CELF2: variants seen among roughly 807,000 people sequenced by gnomAD.
CELF2 encodes CUGBP Elav-like family member 2.
In CELF2, 8 loss-of-function variants were observed where a neutral mutation model predicts 62.6. The observed-to-expected ratio is 0.13, with a 90% CI of 0.07 to 0.23. The LOEUF (loss-of-function observed/expected upper bound fraction) is 0.23. Among genes scored for constraint, CELF2 ranks in the 10% least tolerant of loss-of-function variants. The pLI is 1.00. For synonymous variants in CELF2, 258 were observed against 250.0 expected, an observed-to-expected ratio of 1.03 and a Z score of -0.30; for missense variants, 333 against 671.0, an observed-to-expected ratio of 0.50 and a Z score of 5.56.
At chr10:11,089,630 C>T (rs2047764568) in intron 1 of CELF2, among the ~76,000 whole-genome samples, 1 of 152,012 alleles carries the variant, frequency 6.6e-6, no homozygotes, top group Admixed American at 6.6e-5. Flanking sequence ...AGCCAGATGG[C>T]AATTGCTTAA....
chr10:10,821,117 T>C (rs1302880104), intron 1 of CELF2, among the ~76,000 whole-genome samples: 2 of 152,232 alleles, frequency 1.3e-5, no homozygotes, highest in Non-Finnish European at 2.9e-5. Context: ...CCGAGGTTTC[T>C]GGTATGGGTG....
chr10:10,520,395 C>G, the CELF2 span, among the ~76,000 whole-genome samples: 1 of 152,112 alleles, frequency 6.6e-6, no homozygotes, highest in African/African-American at 2.4e-5. Flanking sequence ...GTAGACTTTC[C>G]AGAAAATACT....
At chr10:11,103,966 G>A (rs2052617762) in intron 1 of CELF2, among the ~76,000 whole-genome samples, 1 of 131,074 alleles carries the variant, frequency 7.6e-6, no homozygotes, top group African/African-American at 3.5e-5. Context: ...GAGAAATGCA[G>A]GTAATAATAT....
At chr10:10,517,546 C>T in the CELF2 span, among the ~76,000 whole-genome samples, 1 of 152,154 alleles carries the variant, frequency 6.6e-6, no homozygotes, top group African/African-American at 2.4e-5. Context: ...CAGGCCAATA[C>T]TCAGGGCCCA....
At chr10:11,111,721 T>A (rs1039388084) in intron 1 of CELF2, among the ~76,000 whole-genome samples, 1 of 152,236 alleles carries the variant, frequency 6.6e-6, no homozygotes, top group Non-Finnish European at 1.5e-5. Context: ...CTTCCTGTGC[T>A]ATGTCTTTCC....
chr10:11,037,196 C>T (rs1464501664), intron 1 of CELF2, among the ~76,000 whole-genome samples: 1 of 152,218 alleles, frequency 6.6e-6, no homozygotes, highest in Non-Finnish European at 1.5e-5. Context: ...AGCAAAGGGA[C>T]ATCTTATATG....
intron 2 of CELF2, among the ~76,000 whole-genome samples, chr10:10,959,228 G>T (rs1250288801): frequency 1.3e-5 from 2 of 152,146 alleles, no homozygotes; most frequent in African/African-American, 2.4e-5. Flanking sequence ...TTGCAGTGAG[G>T]TGACATCGCG....
Position 11,305,828 on chromosome 10 carries a change from C to A in CELF2, c.977-8311C>A, listed in dbSNP as rs1476112490. ...CCAACAGTGAGCTTATCTGGGCAAA[C>A]AAGCAAAGAACTTCTGTGGCCAGGC... On this transcript the variant is annotated intron_variant, in intron 9 of 12. Coordinates refer to ENST00000633077, the MANE Select transcript of CELF2 (RefSeq NM_001326342.2). This position sits in a 1 kb window ranked among gnomAD's most constrained non-coding sequence, Gnocchi z 4.8. Among the ~76,000 whole-genome samples the A allele has an allele frequency of 6.6e-6, 1 of 152,218 alleles. No individual in the cohort carries two copies. The highest frequency in any genetic ancestry group is 1.5e-5 in the Non-Finnish European group (1 of 68,038).
At chr10:11,205,457 T>C (rs537704755) in intron 2 of CELF2, among the ~76,000 whole-genome samples, 10 of 152,370 alleles carry the variant, frequency 6.6e-5, no homozygotes, top group Admixed American at 3.9e-4. Flanking sequence ...AGCACTCTTA[T>C]TTACATGCCA....
intron 2 of CELF2, among the ~76,000 whole-genome samples, chr10:10,945,598 C>T (rs1408431500): frequency 6.6e-6 from 1 of 152,194 alleles, no homozygotes; most frequent in Admixed American, 6.5e-5. Context: ...CATGTTTAGC[C>T]ATCTAGGCAG....
In CELF2 at chr10:10,819,684, T is replaced by C. The variant is rs182515733; in HGVS notation, c.53+20867T>C. On this transcript the variant is annotated intron_variant, in intron 1 of 13. Transcript: ENST00000636488. Reference sequence around the variant, plus strand: ...ACCTAGGCCTTTATCTTTGACCTTCTTTTCCTCTGCTCTCCAAGATGTCAA... The same window carrying C: ...ACCTAGGCCTTTATCTTTGACCTTCCTTTCCTCTGCTCTCCAAGATGTCAA... Among the ~76,000 whole-genome samples, 11 of 152,280 alleles carry C rather than the reference T, an allele frequency of 7.2e-5. No individual in the cohort carries two copies. In the South Asian group the frequency reaches 1.5e-3, roughly 20 times the overall value.
chr10:10,753,310 T>C, the CELF2 span, among the ~76,000 whole-genome samples: 1 of 151,772 alleles, frequency 6.6e-6, no homozygotes, highest in Non-Finnish European at 1.5e-5. Context: ...TGTGTGTGTG[T>C]GTGTGTGTGT....
At chr10:11,241,760 C>G (rs1264642057) in intron 3 of CELF2, among the ~76,000 whole-genome samples, 2 of 152,100 alleles carry the variant, frequency 1.3e-5, no homozygotes, top group African/African-American at 4.8e-5. Context: ...GGGAGACAGG[C>G]AAACCTGTGT....
Position 11,319,654 on chromosome 10 carries a change from G to A in CELF2, c.1097-1535G>A. On this transcript the variant is annotated intron_variant, in intron 10 of 12. Transcript: ENST00000633077. The surrounding 1 kb of genome is among the most constrained non-coding windows in gnomAD (Gnocchi z 4.4). ...CTCTGAACTGAGCCTGCACTCAGGA[G>A]GCTGCCACTCCATTCTCACGCCATT... 2.4e-6 allele frequency: 1 copy of A among 412,752 alleles called. No homozygotes were observed. Among genetic ancestry groups the A allele is most frequent in the Non-Finnish European group, 5.1e-6 (1 of 197,274 alleles). The allele number at this position is 412,752 out of a possible 1,614,324, so 25.6% of individuals were successfully genotyped here.
the CELF2 span, among the ~76,000 whole-genome samples, chr10:10,721,162 C>T: frequency 6.6e-6 from 1 of 152,222 alleles, no homozygotes; most frequent in Admixed American, 6.5e-5. Flanking sequence ...CTTAATGTCA[C>T]ATGCAACTGC....
At chr10:10,806,349 C>G (rs1471623808) in intron 1 of CELF2, among the ~76,000 whole-genome samples, 2 of 152,076 alleles carry the variant, frequency 1.3e-5, no homozygotes, top group Non-Finnish European at 2.9e-5. Flanking sequence ...GGATTACAGG[C>G]ACGTCCCACC....
intron 7 of CELF2, among the ~76,000 whole-genome samples, chr10:11,273,191 T>G (rs1396730046): frequency 1.3e-5 from 2 of 152,006 alleles, no homozygotes; most frequent in Non-Finnish European, 2.9e-5. Context: ...GGCTTGGGTT[T>G]CAGTCAGCCA....
chr10:11,165,167 T>C lies in CELF2; in HGVS notation c.75-319T>C. ...TGCGTTGATGGCAGCCTTGCAGAGC[T>C]AGACCTGCACTTAACTTGCAGCTGC... On this transcript the variant is annotated intron_variant, in intron 1 of 12. Transcript: ENST00000633077. This position sits in a 1 kb window ranked among gnomAD's most constrained non-coding sequence, Gnocchi z 7.4. 8.5e-7 allele frequency: 1 copy of C among 1,177,516 alleles called. No homozygotes were observed. The highest frequency in any genetic ancestry group is 2.1e-5 in the South Asian group (1 of 47,982). The allele number at this position is 1,177,516 out of a possible 1,614,324, so 72.9% of individuals were successfully genotyped here. A position where few individuals can be genotyped will look rare whatever the true frequency, so the allele number is the denominator to read the frequency against.
chr10:10,475,432 C>T, the CELF2 span, among the ~76,000 whole-genome samples: 45 of 150,818 alleles, frequency 3.0e-4, 1 homozygote, highest in East Asian at 7.6e-3. Context: ...TTACCAACAT[C>T]GCAATTATTG....
Sources: gnomAD v4.1 joint callset for allele counts (sites outside exome capture counted in the v4.1 genomes callset) on GRCh38, gnomAD v4.1.1 for gene constraint, Gnocchi (gnomAD v3.1) non-coding constraint, MANE v1.5 for transcripts, NCBI Gene and HGNC (gene_info 2026-07-23, HGNC 2026-07-21) for gene names.